Variants in SRPK2 observed in about 807,000 individuals in gnomAD.
SRPK2 encodes the protein SFRS protein kinase 2.
A neutral mutation model predicts 90.8 loss-of-function variants in SRPK2; 21 were observed. The observed-to-expected ratio is 0.23, with a 90% CI of 0.16 to 0.33. The LOEUF is 0.33. Ranked by LOEUF, SRPK2 falls within the 10% of genes least tolerant of loss-of-function variation. SRPK2 has a pLI of 1.00. For missense variants in SRPK2, 620 were observed against 869.0 expected (o/e 0.71, Z 3.60); for synonymous variants, 288 against 311.1 (o/e 0.93, Z 0.78).
rs539594406 is a variant in SRPK2, at chr7:105,363,140, A to G, written c.71+25508T>C. Among the ~76,000 whole-genome samples the G allele has an allele frequency of 5.3e-5, 8 of 152,304 alleles. No homozygotes were observed. In the East Asian group the frequency reaches 1.3e-3, roughly 26 times the overall value. On this transcript the variant is annotated intron_variant, in intron 2 of 15. Coordinates refer to ENST00000393651, the MANE Select transcript of SRPK2 (RefSeq NM_182692.3). ...AACATGGCACATGTATACATATGTA[A>G]TAAAGCTGCACGTTGTGCACATGTA...
intron 3 of SRPK2, among the ~76,000 whole-genome samples, chr7:105,184,084 T>G (rs2129600391): frequency 6.7e-6 from 1 of 149,162 alleles, no homozygotes; most frequent in African/African-American, 2.5e-5. Flanking sequence ...CAAGCCATTC[T>G]CCTGCCTCAG....
intron 3 of SRPK2, among the ~76,000 whole-genome samples, chr7:105,201,086 G>C (rs190914996): frequency 2.5e-4 from 38 of 152,246 alleles, no homozygotes; most frequent in Admixed American, 6.5e-4. Flanking sequence ...CCTGGCAGAG[G>C]GTGAGGGGAT....
chr7:105,279,899 T>C (rs1381210187), intron 2 of SRPK2, among the ~76,000 whole-genome samples: 6 of 152,244 alleles, frequency 3.9e-5, no homozygotes, highest in Non-Finnish European at 5.9e-5. Context: ...TGAAACCCAA[T>C]GCTGTGTTCA....
At chr7:105,159,597 C>T (rs1397323635) in intron 7 of SRPK2, among the ~76,000 whole-genome samples, 2 of 151,874 alleles carry the variant, frequency 1.3e-5, no homozygotes, top group Non-Finnish European at 2.9e-5. Flanking sequence ...TTTTTACAGG[C>T]AATGAGTAGA....
intron 7 of SRPK2, among the ~76,000 whole-genome samples, chr7:105,152,524 C>T (rs1376890304): frequency 6.6e-6 from 1 of 152,128 alleles, no homozygotes; most frequent in Non-Finnish European, 1.5e-5. Flanking sequence ...AGTAATAATG[C>T]ACCCCAGAAT....
intron 7 of SRPK2, among the ~76,000 whole-genome samples, chr7:105,153,312 G>A (rs1806005435): frequency 6.6e-6 from 1 of 152,156 alleles, no homozygotes; most frequent in African/African-American, 2.4e-5. Context: ...CTAGCTACAG[G>A]TTCAGAGAAA....
At chr7:105,247,396 G>C (rs945090779) in intron 2 of SRPK2, among the ~76,000 whole-genome samples, 1 of 152,080 alleles carries the variant, frequency 6.6e-6, no homozygotes, top group Admixed American at 6.5e-5. Flanking sequence ...TTAATGGTGA[G>C]GAAGAGGGGA....
chr7:105,135,661 C>T (rs2129575511), intron 11 of SRPK2, among the ~76,000 whole-genome samples: 1 of 152,296 alleles, frequency 6.6e-6, no homozygotes, highest in South Asian at 2.1e-4. Context: ...TGCCACCACT[C>T]TGAGATGTTG....
At chr7:105,236,196 C>T (rs566643938) in intron 2 of SRPK2, among the ~76,000 whole-genome samples, 1 of 152,166 alleles carries the variant, frequency 6.6e-6, no homozygotes, top group Non-Finnish European at 1.5e-5. Context: ...TTATGCTAGA[C>T]GCTGTTCATC....
At chr7:105,363,620 T>G (rs1408466066) in intron 2 of SRPK2, among the ~76,000 whole-genome samples, 1 of 152,184 alleles carries the variant, frequency 6.6e-6, no homozygotes. Flanking sequence ...GGCAGTGTGG[T>G]GAATCCTCAA....
chr7:105,314,106 C>T (rs772277730), intron 2 of SRPK2, among the ~76,000 whole-genome samples: 13 of 151,958 alleles, frequency 8.6e-5, no homozygotes, highest in Non-Finnish European at 1.2e-4. Flanking sequence ...CGAGGCTGGC[C>T]GGTAATTTGA....
At chr7:105,316,647 A>G (rs1812342140) in intron 2 of SRPK2, among the ~76,000 whole-genome samples, 1 of 152,250 alleles carries the variant, frequency 6.6e-6, no homozygotes, top group Admixed American at 6.5e-5. Context: ...CTAATTAGAA[A>G]AGGTTAATGA....
intron 2 of SRPK2, among the ~76,000 whole-genome samples, chr7:105,303,333 G>A (rs543671823): frequency 2.6e-5 from 4 of 152,184 alleles, no homozygotes; most frequent in Admixed American, 2.6e-4. Flanking sequence ...AGCTGGGGGA[G>A]GGACAGCATT....
chr7:105,344,840 TA>T (rs35086357), intron 2 of SRPK2, among the ~76,000 whole-genome samples: 1,900 of 141,220 alleles, frequency 0.013, 28 homozygotes, highest in African/African-American at 0.043. Context: ...CACTCACACT[TA>T]AAAAAAAAAA....
intron 2 of SRPK2, among the ~76,000 whole-genome samples, chr7:105,329,966 C>T (rs1436264803): frequency 1.3e-5 from 2 of 151,888 alleles, no homozygotes; most frequent in Non-Finnish European, 2.9e-5. Context: ...ACACAGGAGG[C>T]AGAGGTTGCA....
rs530689108 is a variant in SRPK2, at chr7:105,125,022, T to C, written c.1915+1226A>G. Among the ~76,000 whole-genome samples, 13 of 147,404 alleles carry C rather than the reference T, an allele frequency of 8.8e-5. No individual in the cohort carries two copies. The East Asian group carries it at 2.2e-3, about 25-fold the overall frequency. ...TGGTGTGCCTGTAATCCCAGCTACA[T>C]GGGAGGCTGCGGCAGGAGAATTGCT... On this transcript the variant is annotated intron_variant, in intron 15 of 15. Transcript: ENST00000393651.
intron 3 of SRPK2, among the ~76,000 whole-genome samples, chr7:105,200,443 C>G (rs1218640546): frequency 6.6e-6 from 1 of 152,032 alleles, no homozygotes; most frequent in African/African-American, 2.4e-5. Context: ...GATCATAACC[C>G]ACTGAATAAA....
chr7:105,327,374 G>C (rs1029073315), intron 2 of SRPK2, among the ~76,000 whole-genome samples: 1 of 152,170 alleles, frequency 6.6e-6, no homozygotes, highest in African/African-American at 2.4e-5. Context: ...CAATGGCAGA[G>C]TTAAGCAGTT....
chr7:105,281,667 G>GA (rs769258684), intron 2 of SRPK2, among the ~76,000 whole-genome samples: 3,410 of 106,952 alleles, frequency 0.032, 91 homozygotes, highest in African/African-American at 0.078. Context: ...TGTTGCTAAG[G>GA]TAAAAAAAAA....
Sources: allele counts gnomAD v4.1 joint callset (sites outside exome capture counted in the v4.1 genomes callset), GRCh38; gene constraint gnomAD v4.1.1; transcripts MANE v1.5; gene names NCBI Gene and HGNC (gene_info 2026-07-23, HGNC 2026-07-21).